CFAP46: variants seen among roughly 807,000 people sequenced by gnomAD.
CFAP46 encodes the protein cilia- and flagella-associated protein 46.
CFAP46 carries 245 observed loss-of-function variants against 325.7 expected under a neutral mutation model. The ratio of observed to expected loss-of-function variants is 0.75; its 90% CI spans 0.68 to 0.84. The LOEUF (loss-of-function observed/expected upper bound fraction) is 0.84, where lower values mean the gene tolerates loss of function less well. CFAP46 is among the 40% of genes least tolerant of loss of function. The probability of loss-of-function intolerance (pLI) is 0.00; values close to 1 mark genes in which losing one functional copy is unlikely to be tolerated. For synonymous variants in CFAP46, 1,523 were observed against 1,495.9 expected, an observed-to-expected ratio of 1.02 and a Z score of -0.42; for missense variants, 3,346 against 3,543.0, an observed-to-expected ratio of 0.94 and a Z score of 1.41.
At chr10:132,851,011 G>A (rs1221715529) in intron 40 of CFAP46, 106 bp downstream of exon 40, 21 of 1,363,068 alleles carry the variant, frequency 1.5e-5, no homozygotes, top group South Asian at 7.3e-5. Flanking sequence ...GACCCGCACC[G>A]CCAGGTGCAC....
chr10:132,927,210 G>A (rs1450997410), intron 9 of CFAP46, among the ~76,000 whole-genome samples: 1 of 152,238 alleles, frequency 6.6e-6, no homozygotes. Flanking sequence ...AGGGGTGCAG[G>A]TCTTCTGGAC....
chr10:132,879,295 C>G, intron 29 of CFAP46, 131 bp downstream of exon 29: 1 of 892,650 alleles, frequency 1.1e-6, no homozygotes, highest in Non-Finnish European at 1.6e-6. Flanking sequence ...GGAAATTGCT[C>G]ACATCTCAAA....
At position 132,853,776 on chromosome 10, in the gene CFAP46, T is replaced by G. The variant is rs137929943; in HGVS notation, c.5575-2471A>C. Among the ~76,000 whole-genome samples the G allele has an allele frequency of 4.2e-3, 637 of 152,362 alleles. 4 individuals are homozygous for G. Among genetic ancestry groups the G allele is most frequent in the Non-Finnish European group, 7.2e-3 (493 of 68,034 alleles). ...TTTCAAGGAATTTTTCCATTTCGTC[T>G]AAGTTGGCAGACATATTAGCATAAA... On this transcript the variant is annotated intron_variant, in intron 39 of 57. Transcript: ENST00000368586.
Position 132,876,096 on chromosome 10 carries a change from A to G in CFAP46, c.4362+716T>C, listed in dbSNP as rs1489824421. On this transcript the variant is annotated intron_variant, in intron 31 of 57. Coordinates refer to ENST00000368586, the MANE Select transcript of CFAP46 (RefSeq NM_001200049.3). This position sits in a 1 kb window ranked among gnomAD's most constrained non-coding sequence, Gnocchi z 4.1. Reference sequence around the variant, plus strand: ...CAAAAGAGGACCTCCAAGGATAGGAAGCACTGAAGGCCAACCTCACTGTGG... The same window carrying G: ...CAAAAGAGGACCTCCAAGGATAGGAGGCACTGAAGGCCAACCTCACTGTGG... Among the ~76,000 whole-genome samples the G allele has an allele frequency of 6.6e-6, 1 of 152,272 alleles. No homozygotes were observed. The highest frequency in any genetic ancestry group is 2.4e-5 in the African/African-American group (1 of 41,476).
chr10:132,933,673 G>A (rs1034055674), intron 8 of CFAP46, among the ~76,000 whole-genome samples: 6 of 152,256 alleles, frequency 3.9e-5, no homozygotes, highest in Non-Finnish European at 5.9e-5. Flanking sequence ...CGAGGAGCCT[G>A]CAGCTGAGCA....
chr10:132,921,625 T>C (rs1327108833), intron 13 of CFAP46, among the ~76,000 whole-genome samples: 2 of 152,094 alleles, frequency 1.3e-5, no homozygotes, highest in East Asian at 3.9e-4. Flanking sequence ...ATGACCTTCT[T>C]TGGAGGTAAT....
chr10:132,870,324 T>C (rs1848879532), intron 32 of CFAP46, among the ~76,000 whole-genome samples: 1 of 152,100 alleles, frequency 6.6e-6, no homozygotes, highest in Non-Finnish European at 1.5e-5. Flanking sequence ...AACCCTACGA[T>C]GGGCTCTTAA....
chr10:132,902,827 C>G (rs1849409100), intron 22 of CFAP46, among the ~76,000 whole-genome samples: 1 of 152,238 alleles, frequency 6.6e-6, no homozygotes, highest in Non-Finnish European at 1.5e-5. Flanking sequence ...CTTCATCCTA[C>G]TGAGATGTGG....
At position 132,834,671 on chromosome 10, in the gene CFAP46, G is replaced by T; in HGVS notation, c.6849C>A (p.Leu2283=). Residue 2283 remains leucine, a synonymous_variant, in exon 48 of 58, where the codon CTC becomes CTA. Coordinates refer to ENST00000368586, the MANE Select transcript of CFAP46 (RefSeq NM_001200049.3). The stretch of plus-strand genomic sequence containing the variant: ...CCCAGTACCTGGCCTTGGAGAGGCT[G>T]AGCAGGGGGAATAGCGGCTGCAGAA... ...EELLQPLFPL[L]SLSKARVQTP... 6.2e-7 allele frequency: 1 copy of T among 1,613,410 alleles called. No individual in the cohort carries two copies. The highest frequency in any genetic ancestry group is 8.5e-7 in the Non-Finnish European group (1 of 1,179,982).
Position 132,827,663 on chromosome 10 carries a change from C to T in CFAP46, c.7117+5695G>A, listed in dbSNP as rs1848080940. ...CAACGTGACGGGACTGGACGCTGCACGCCAGCAAGTCATCGCCACAGCGAA... is the reference window on the plus strand; with the variant it reads ...CAACGTGACGGGACTGGACGCTGCATGCCAGCAAGTCATCGCCACAGCGAA... On this transcript the variant is annotated intron_variant, in intron 50 of 57. Coordinates refer to ENST00000368586, the MANE Select transcript of CFAP46 (RefSeq NM_001200049.3). This position sits in a 1 kb window ranked among gnomAD's most constrained non-coding sequence, Gnocchi z 5.7. Among the ~76,000 whole-genome samples the T allele has an allele frequency of 1.3e-5, 2 of 152,136 alleles. No individual in the cohort carries two copies. Among genetic ancestry groups the T allele is most frequent in the South Asian group, 2.1e-4 (1 of 4,824 alleles).
chr10:132,856,868 T>A (rs1389239677), intron 39 of CFAP46, among the ~76,000 whole-genome samples: 2 of 152,260 alleles, frequency 1.3e-5, no homozygotes, highest in African/African-American at 4.8e-5. Flanking sequence ...TGGGCATTTC[T>A]GCATTCCTGT....
chr10:132,912,385 C>T lies in CFAP46; in HGVS notation c.2499+270G>A, dbSNP rs184259736. On this transcript the variant is annotated intron_variant, in intron 19 of 57. Transcript: ENST00000368586. ...TCTCCTCTCTTCTCTCTGCTTCTCT[C>T]GCCTCTCTCTCCTCTCCTCTCTCTG... is the stretch of plus-strand genomic sequence containing the variant. 2.2e-3 allele frequency among the ~76,000 whole-genome samples: 298 copies of T among 137,386 alleles called. 2 individuals carry two copies. Among genetic ancestry groups the T allele is most frequent in the African/African-American group, 7.4e-3 (268 of 36,288 alleles). The allele number at this position is 137,386 out of a possible 152,430, so 90.1% of individuals were successfully genotyped here.
chr10:132,923,885 T>C (rs1849766289), intron 11 of CFAP46, among the ~76,000 whole-genome samples: 1 of 152,022 alleles, frequency 6.6e-6, no homozygotes, highest in South Asian at 2.1e-4. Context: ...AAAGGTATAG[T>C]CGAGAAACCA....
intron 50 of CFAP46, among the ~76,000 whole-genome samples, chr10:132,820,986 CTG>C (rs1302081231): frequency 1.1e-4 from 11 of 95,938 alleles, no homozygotes; most frequent in Admixed American, 8.5e-4. Context: ...CTGATGTGTG[CTG>C]TGTGTGTGCT....
intron 44 of CFAP46, among the ~76,000 whole-genome samples, chr10:132,840,681 ACTT>A (rs1318081850): frequency 1.3e-5 from 2 of 152,310 alleles, no homozygotes; most frequent in East Asian, 3.9e-4. Flanking sequence ...TTCTGCTGTG[ACTT>A]CTTCTTTGAC....
intron 50 of CFAP46, among the ~76,000 whole-genome samples, chr10:132,816,141 G>A (rs551410128): frequency 1.3e-5 from 2 of 152,084 alleles, no homozygotes; most frequent in East Asian, 3.9e-4. Flanking sequence ...GTTTTGCTAC[G>A]TTGATTCAAA....
rs983520791 is a variant in CFAP46, at chr10:132,812,733, C to G, written c.7501+52G>C. On this transcript the variant is annotated intron_variant, in intron 55 of 57. Transcript: ENST00000368586. Reference sequence around the variant, plus strand: ...ACAGTGGCCCTGCTCTGCCCTCAGGCGGGTTTGTCCTGTGCCCGCGGGGGA... The same window carrying G: ...ACAGTGGCCCTGCTCTGCCCTCAGGGGGGTTTGTCCTGTGCCCGCGGGGGA... 1.5e-5 allele frequency: 20 copies of G among 1,361,494 alleles called. No homozygotes were observed. In the Admixed American group the frequency reaches 3.2e-4, roughly 22 times the overall value. The allele number at this position is 1,361,494 out of a possible 1,614,324, so 84.3% of individuals were successfully genotyped here. A position where few individuals can be genotyped will look rare whatever the true frequency, so the allele number is the denominator to read the frequency against.
At position 132,843,158 on chromosome 10, in the gene CFAP46, A is replaced by G. The variant is rs532154594; in HGVS notation, c.6438+2899T>C. 1.2e-4 allele frequency among the ~76,000 whole-genome samples: 19 copies of G among 152,310 alleles called. 1 individual carries two copies. The South Asian group carries it at 3.7e-3, about 30-fold the overall frequency. ...CAGAAACCCCCACATTGAGCCCTTC[A>G]TTTAGGAGAGCACATATGGGATGCT... On this transcript the variant is annotated intron_variant, in intron 44 of 57. Coordinates refer to ENST00000368586, the MANE Select transcript of CFAP46 (RefSeq NM_001200049.3).
At chr10:132,818,856 G>GAAAAAAAAAAAAAAAAA (rs560908251) in intron 50 of CFAP46, among the ~76,000 whole-genome samples, 1 of 84,754 alleles carries the variant, frequency 1.2e-5, no homozygotes, top group African/African-American at 4.3e-5. Flanking sequence ...TCCATCTCCA[G>GAAAAAAAAAAAAAAAAA]AAAAAAAAAA....
Sources: gnomAD v4.1 joint callset for allele counts (sites outside exome capture counted in the v4.1 genomes callset) on GRCh38, gnomAD v4.1.1 for gene constraint, Gnocchi (gnomAD v3.1) non-coding constraint, MANE v1.5 for transcripts, NCBI Gene and HGNC (gene_info 2026-07-23, HGNC 2026-07-21) for gene names.